Variants in C2orf80 observed in about 807,000 individuals in gnomAD.
C2orf80 encodes the protein chromosome 2 open reading frame 80.
C2orf80 carries 28 observed loss-of-function variants against 30.2 expected under a neutral mutation model. The ratio of observed to expected loss-of-function variants is 0.93; its 90% CI spans 0.69 to 1.27. The LOEUF is 1.27. C2orf80 is among the 50% of genes most tolerant of loss of function. The pLI is 0.00. For missense variants in C2orf80, 220 were observed against 231.0 expected, an observed-to-expected ratio of 0.95 and a Z score of 0.31; for synonymous variants, 80 against 76.4, an observed-to-expected ratio of 1.05 and a Z score of -0.24.
At chr2:208,176,926 CAT>C (rs1696334018) in intron 6 of C2orf80, among the ~76,000 whole-genome samples, 1 of 80,150 alleles carries the variant, frequency 1.2e-5, no homozygotes. Flanking sequence ...TATCTGTATA[CAT>C]ATGTATACAT....
At chr2:208,180,709 A>G (rs1696528425) in intron 6 of C2orf80, 36 bp downstream of exon 6, 1 of 1,505,658 alleles carries the variant, frequency 6.6e-7, no homozygotes, top group African/African-American at 1.4e-5. Context: ...TTATCTCTAA[A>G]AATCCCTTCT....
In C2orf80 at chr2:208,188,747, C is replaced by T. The variant is rs191894201; in HGVS notation, c.-76+1206G>A. ...TACAGGCGTGAGCCACCGTGCCCAGCCATTTTGGATCATTCTTGCTGCTGC... is the reference window on the plus strand; with the variant it reads ...TACAGGCGTGAGCCACCGTGCCCAGTCATTTTGGATCATTCTTGCTGCTGC... On this transcript the variant is annotated intron_variant, in intron 1 of 8. Coordinates refer to ENST00000341287, the MANE Select transcript of C2orf80 (RefSeq NM_001099334.3). 1.1e-3 allele frequency among the ~76,000 whole-genome samples: 172 copies of T among 152,318 alleles called. 1 individual carries two copies. The South Asian group carries it at 0.017, about 15-fold the overall frequency.
intron 8 of C2orf80, chr2:208,168,394 C>T: frequency 6.3e-6 from 2 of 316,338 alleles, no homozygotes; most frequent in Non-Finnish European, 1.2e-5. Context: ...AAGAGTTGGG[C>T]CGGGCGCGGT....
At chr2:208,166,617 G>A (rs10164586) in intron 8 of C2orf80, among the ~76,000 whole-genome samples, 96,220 of 151,894 alleles carry the variant, frequency 0.63, 31,013 homozygotes, top group Non-Finnish European at 0.69. Context: ...GAGTGGTGAT[G>A]AAGAGAGCGA....
At position 208,178,543 on chromosome 2, in the gene C2orf80, C is replaced by T. The variant is rs965054694; in HGVS notation, c.366+2202G>A. 1.4e-4 allele frequency among the ~76,000 whole-genome samples: 22 copies of T among 152,150 alleles called. 2 individuals are homozygous for T. Among genetic ancestry groups the T allele is most frequent in the Non-Finnish European group, 2.6e-4 (18 of 68,024 alleles). ...CTTTGAAAACCAAGAACAGCTTGAT[C>T]TCTGAGGAGCGTCAGGCCTGGGGTG... On this transcript the variant is annotated intron_variant, in intron 6 of 8. Transcript: ENST00000341287.
At chr2:208,167,976 T>C (rs1428239498) in intron 8 of C2orf80, among the ~76,000 whole-genome samples, 1 of 152,028 alleles carries the variant, frequency 6.6e-6, no homozygotes, top group Non-Finnish European at 1.5e-5. Flanking sequence ...CATTGTTTTA[T>C]CTTGAGGTTA....
chr2:208,189,969 C>A lies in C2orf80; in HGVS notation c.-92G>T, dbSNP rs1455101122. On this transcript the variant is annotated 5_prime_UTR_variant, in exon 1 of 9. The change creates a premature stop within an existing upstream ORF in the 5' untranslated region. Coordinates refer to ENST00000341287, the MANE Select transcript of C2orf80 (RefSeq NM_001099334.3). ...ATCGCTCACCAACCGGAGACCGGTTCCAGTGCTTTTGTTCTTTCTCTGCTT... is the reference window on the plus strand; with the variant it reads ...ATCGCTCACCAACCGGAGACCGGTTACAGTGCTTTTGTTCTTTCTCTGCTT... 1.4e-6 allele frequency: 1 copy of A among 702,974 alleles called. No individual in the cohort carries two copies. The highest frequency in any genetic ancestry group is 1.5e-5 in the South Asian group (1 of 67,584). The allele number at this position is 702,974 out of a possible 1,614,324, so 43.5% of individuals were successfully genotyped here.
rs907941180 is a variant in C2orf80, at chr2:208,174,262, A to G, written c.367-2187T>C. ...GCGCCTGGCCAATTCCTCATGATTAAGATCTGTCAATATTGAACTTTTGTT... is the reference window on the plus strand; with the variant it reads ...GCGCCTGGCCAATTCCTCATGATTAGGATCTGTCAATATTGAACTTTTGTT... On this transcript the variant is annotated intron_variant, in intron 6 of 8. Transcript: ENST00000341287. Among the ~76,000 whole-genome samples the G allele has an allele frequency of 2.0e-5, 3 of 152,132 alleles. No homozygotes were observed. In the South Asian group the frequency reaches 6.2e-4, roughly 32 times the overall value.
At chr2:208,189,548 A>G (rs1696815497) in intron 1 of C2orf80, among the ~76,000 whole-genome samples, 1 of 152,192 alleles carries the variant, frequency 6.6e-6, no homozygotes, top group African/African-American at 2.4e-5. Flanking sequence ...GGTCCCTTAC[A>G]GCTGTGGAAG....
At chr2:208,186,489 A>G (rs1231643369) in intron 2 of C2orf80, among the ~76,000 whole-genome samples, 1 of 152,226 alleles carries the variant, frequency 6.6e-6, no homozygotes, top group Non-Finnish European at 1.5e-5. Context: ...TTCGTTTTAA[A>G]AATGTTCAGA....
intron 8 of C2orf80, among the ~76,000 whole-genome samples, chr2:208,167,206 T>C (rs1302901160): frequency 6.6e-6 from 1 of 151,786 alleles, no homozygotes; most frequent in Non-Finnish European, 1.5e-5. Context: ...CCTAGGACAA[T>C]GCAATTTAAA....
chr2:208,178,700 G>A (rs1696447249), intron 6 of C2orf80, among the ~76,000 whole-genome samples: 1 of 152,070 alleles, frequency 6.6e-6, no homozygotes, highest in Non-Finnish European at 1.5e-5. Flanking sequence ...GATCGCTTGA[G>A]CCCAGGAGTT....
intron 2 of C2orf80, among the ~76,000 whole-genome samples, chr2:208,186,236 G>T (rs763679651): frequency 1.4e-4 from 22 of 152,064 alleles, no homozygotes; most frequent in Non-Finnish European, 2.5e-4. Flanking sequence ...ATTTCTTAAA[G>T]GCTTGTTAAA....
At chr2:208,171,828 T>C (rs1303893703) in intron 7 of C2orf80, among the ~76,000 whole-genome samples, 160 bp downstream of exon 7, 9 of 152,156 alleles carry the variant, frequency 5.9e-5, no homozygotes, top group Non-Finnish European at 1.0e-4. Context: ...ATTTCAGTAA[T>C]GGAGGGAAAT....
At chr2:208,183,670 A>G (rs1488963991) in intron 3 of C2orf80, among the ~76,000 whole-genome samples, 1 of 152,076 alleles carries the variant, frequency 6.6e-6, no homozygotes, top group Non-Finnish European at 1.5e-5. Flanking sequence ...GGCTTGTGGG[A>G]TGAGAATGTC....
At chr2:208,174,429 G>A (rs902253345) in intron 6 of C2orf80, among the ~76,000 whole-genome samples, 2 of 152,272 alleles carry the variant, frequency 1.3e-5, no homozygotes, top group East Asian at 1.9e-4. Flanking sequence ...GGCCTATCAC[G>A]AAGGGACCAG....
Position 208,165,834 on chromosome 2 carries a change from T to C in C2orf80, c.574-19A>G, listed in dbSNP as rs181904127. 14 of 1,591,118 alleles carry C rather than the reference T, an allele frequency of 8.8e-6. No homozygotes were observed. In the East Asian group the frequency reaches 2.9e-4, roughly 33 times the overall value. Reference sequence around the variant, plus strand: ...AAGTGACCTGCAGAATAAAAGATGATTTTGGTATCAAGCACATCAATTTAA... The same window carrying C: ...AAGTGACCTGCAGAATAAAAGATGACTTTGGTATCAAGCACATCAATTTAA... On this transcript the variant is annotated intron_variant, in intron 8 of 8. Coordinates refer to ENST00000341287, the MANE Select transcript of C2orf80 (RefSeq NM_001099334.3).
At chr2:208,181,368 G>A (rs1287777881) in intron 4 of C2orf80, 63 bp from the exon 5 acceptor site, 12 of 1,082,508 alleles carry the variant, frequency 1.1e-5, no homozygotes, top group Non-Finnish European at 1.7e-5. Flanking sequence ...GCCTGCTAAG[G>A]TTGTGATGAT....
intron 6 of C2orf80, among the ~76,000 whole-genome samples, chr2:208,176,936 CATATCT>C (rs1696338554): frequency 1.2e-5 from 1 of 80,398 alleles, no homozygotes. Flanking sequence ...CATATGTATA[CATATCT>C]GTATACATAT....
Sources: gnomAD v4.1 joint callset for allele counts (sites outside exome capture counted in the v4.1 genomes callset) on GRCh38, gnomAD v4.1.1 for gene constraint, MANE v1.5 for transcripts, NCBI Gene and HGNC (gene_info 2026-07-23, HGNC 2026-07-21) for gene names.